NUP160: variants seen among roughly 807,000 people sequenced by gnomAD.
The protein encoded by NUP160 is nuclear pore complex protein Nup160.
In NUP160, 94 loss-of-function variants were observed where a neutral mutation model predicts 196.9. The observed-to-expected ratio is 0.48, with a 90% CI of 0.40 to 0.57. NUP160 has a LOEUF of 0.57. NUP160 is among the 20% of genes least tolerant of loss of function. The pLI is 0.00. For missense variants in NUP160, 1,638 were observed against 1,748.3 expected (o/e 0.94, Z 1.13); for synonymous variants, 605 against 619.7 (o/e 0.98, Z 0.35).
intron 17 of NUP160, among the ~76,000 whole-genome samples, chr11:47,810,765 C>T (rs938147197): frequency 1.3e-5 from 2 of 151,984 alleles, no homozygotes; most frequent in African/African-American, 2.4e-5. Flanking sequence ...AGGCTGGTCT[C>T]GAACTCCTGG....
intron 7 of NUP160, among the ~76,000 whole-genome samples, chr11:47,833,381 G>A (rs894670089): frequency 1.3e-4 from 20 of 151,912 alleles, no homozygotes; most frequent in African/African-American, 4.8e-4. Context: ...CTTGAACCCA[G>A]GAGGCAGAGG....
At chr11:47,795,111 C>CAT (rs1369203840) in intron 27 of NUP160, among the ~76,000 whole-genome samples, 2 of 151,782 alleles carry the variant, frequency 1.3e-5, no homozygotes, top group Admixed American at 6.6e-5. Context: ...AAAAAAAGAA[C>CAT]ATAGATTCTC....
At chr11:47,809,256 C>A (rs1444492929) in intron 17 of NUP160, among the ~76,000 whole-genome samples, 981 of 94,630 alleles carry the variant, frequency 0.01, no homozygotes, top group Middle Eastern at 0.014. Flanking sequence ...GAACTTGTCT[C>A]AAAAAAAAAA....
rs1385175973 is a variant in NUP160, at chr11:47,818,141, A to G, written c.1363-17T>C. On this transcript the variant is annotated splice_polypyrimidine_tract_variant and intron_variant, in intron 10 of 35. Coordinates refer to ENST00000378460, the Ensembl canonical transcript of NUP160. ...ATACATCTCCTATTAGAACATTAAA[A>G]CAAAAGTTACTATTGTCCTAAACAA... The G allele has an allele frequency of 1.3e-6, 2 of 1,553,724 alleles. No individual in the cohort carries two copies. Among genetic ancestry groups the G allele is most frequent in the Admixed American group, 1.7e-5 (1 of 58,066 alleles).
intron 27 of NUP160, 39 bp from the exon 28 acceptor site, chr11:47,792,985 AT>A (rs745905104): frequency 4.6e-5 from 72 of 1,560,384 alleles, no homozygotes; most frequent in Admixed American, 3.7e-4. Flanking sequence ...GAACTTCCAA[AT>A]TTTTTTTTCT....
intron 7 of NUP160, among the ~76,000 whole-genome samples, chr11:47,824,828 C>G (rs1038503930): frequency 9.5e-5 from 14 of 147,456 alleles, no homozygotes; most frequent in African/African-American, 3.2e-4. Context: ...TTTTTTTTCA[C>G]GTTAATTTAA....
At chr11:47,782,289 TAAAAAA>T (rs1164772188) in intron 34 of NUP160, among the ~76,000 whole-genome samples, 11 of 31,874 alleles carry the variant, frequency 3.5e-4, no homozygotes, top group South Asian at 2.0e-3. Context: ...AAAACTCAGT[TAAAAAA>T]AAAAAAAAAT....
chr11:47,814,912 C>T (rs1173041249), intron 13 of NUP160, among the ~76,000 whole-genome samples: 2 of 152,140 alleles, frequency 1.3e-5, no homozygotes, highest in Admixed American at 6.6e-5. Flanking sequence ...TAACTCTTAC[C>T]TTAAGTTGGA....
At chr11:47,822,248 C>T in intron 7 of NUP160, 84 bp from the exon 8 acceptor site, 2 of 978,062 alleles carry the variant, frequency 2.0e-6, no homozygotes, top group Non-Finnish European at 3.1e-6. Flanking sequence ...CATTCAGAAA[C>T]CTTTAAAAAA....
chr11:47,824,884 G>A (rs1851937401), intron 7 of NUP160, among the ~76,000 whole-genome samples: 1 of 151,836 alleles, frequency 6.6e-6, no homozygotes, highest in Non-Finnish European at 1.5e-5. Context: ...CGCCCAGGCT[G>A]GAGTGCAGTG....
At chr11:47,847,304 C>G (rs1349201657) in intron 2 of NUP160, among the ~76,000 whole-genome samples, 2 of 152,118 alleles carry the variant, frequency 1.3e-5, no homozygotes, top group African/African-American at 2.4e-5. Context: ...TTCCCTGCCC[C>G]ACTAATTATA....
chr11:47,813,128 T>C (rs2135376190), intron 14 of NUP160, 81 bp from the exon 15 acceptor site: 1 of 1,112,884 alleles, frequency 9.0e-7, no homozygotes, highest in Middle Eastern at 2.3e-4. Context: ...ATGTTAATAA[T>C]TAAATGACAA....
intron 22 of NUP160, among the ~76,000 whole-genome samples, chr11:47,802,302 G>C (rs2097674622): frequency 6.6e-6 from 1 of 152,044 alleles, no homozygotes; most frequent in Admixed American, 6.6e-5. Context: ...GTGGTGGCGT[G>C]CACCTGTAAT....
At chr11:47,790,628 C>A (rs2097667352) in intron 29 of NUP160, among the ~76,000 whole-genome samples, 1 of 152,106 alleles carries the variant, frequency 6.6e-6, no homozygotes, top group African/African-American at 2.4e-5. Flanking sequence ...GTGGCTCATC[C>A]CTGTAGTCCC....
chr11:47,832,239 G>C (rs181203484), intron 7 of NUP160, among the ~76,000 whole-genome samples: 1 of 152,152 alleles, frequency 6.6e-6, no homozygotes, highest in East Asian at 1.9e-4. Flanking sequence ...ACTGCCTCTG[G>C]TCATTCCTGA....
exon 9 of NUP160, chr11:47,821,763 G>A: frequency 1.2e-6 from 2 of 1,614,038 alleles, no homozygotes; most frequent in Non-Finnish European, 1.7e-6. Context: ...TTGGTTCTCA[G>A]CATCATGCCA....
chr11:47,811,658 G>C (rs1042199186), intron 17 of NUP160, among the ~76,000 whole-genome samples: 1 of 152,114 alleles, frequency 6.6e-6, no homozygotes, highest in African/African-American at 2.4e-5. Context: ...AAAGCAATCT[G>C]CTTCATGTAT....
intron 7 of NUP160, among the ~76,000 whole-genome samples, chr11:47,830,675 A>G (rs1375702062): frequency 6.6e-6 from 1 of 152,162 alleles, no homozygotes; most frequent in Non-Finnish European, 1.5e-5. Flanking sequence ...ATGAACACGA[A>G]GAAGGAAACA....
At chr11:47,792,071 T>C (rs996365582) in intron 28 of NUP160, 81 bp from the exon 29 acceptor site, 10 of 959,984 alleles carry the variant, frequency 1.0e-5, no homozygotes, top group Non-Finnish European at 1.6e-5. Context: ...ATAGCTTTTA[T>C]GCTTAAATTT....
Sources: allele counts gnomAD v4.1 joint callset (sites outside exome capture counted in the v4.1 genomes callset), GRCh38; gene constraint gnomAD v4.1.1; transcripts MANE v1.5; gene names NCBI Gene and HGNC (gene_info 2026-07-23, HGNC 2026-07-21).